The following ZNF618 variants were observed in gnomAD, a reference collection of about 807,000 sequenced individuals.
The protein encoded by ZNF618 is zinc finger protein 618, also known as neural precursor cell expressed, developmentally down-regulated 10.
Under a neutral mutation model 103.0 loss-of-function variants are expected in ZNF618, and 34 were observed. That is an observed-to-expected ratio of 0.33 (90% CI 0.25 to 0.44). ZNF618 has a LOEUF of 0.44. Ranked by LOEUF, ZNF618 falls within the 20% of genes least tolerant of loss-of-function variation. ZNF618 has a pLI of 1.00. For missense variants in ZNF618, 1,059 were observed against 1,295.4 expected (o/e 0.82, Z 2.80); for synonymous variants, 551 against 542.2 (o/e 1.02, Z -0.23).
chr9:113,965,816 G>T (rs1837347990), intron 1 of ZNF618, among the ~76,000 whole-genome samples: 1 of 152,182 alleles, frequency 6.6e-6, no homozygotes, highest in African/African-American at 2.4e-5. Context: ...CAGCTGCAGT[G>T]GGAGTTTCCA....
chr9:113,893,959 C>G (rs995449790), intron 1 of ZNF618, among the ~76,000 whole-genome samples: 5 of 152,064 alleles, frequency 3.3e-5, no homozygotes, highest in African/African-American at 1.2e-4. Context: ...AAAGGCTTTG[C>G]TGACTTATCA....
At chr9:113,937,883 T>C (rs1834166047) in intron 1 of ZNF618, among the ~76,000 whole-genome samples, 1 of 152,176 alleles carries the variant, frequency 6.6e-6, no homozygotes, top group African/African-American at 2.4e-5. Flanking sequence ...TGCCTTTTTT[T>C]TGTTGTTTTT....
chr9:114,032,876 G>A, intron 12 of ZNF618, 148 bp downstream of exon 12: 1 of 725,500 alleles, frequency 1.4e-6, no homozygotes, highest in South Asian at 1.6e-5. Flanking sequence ...GGGAATTAGA[G>A]GGAGACCACA....
intron 1 of ZNF618, among the ~76,000 whole-genome samples, chr9:113,966,613 T>C (rs962471723): frequency 1.3e-5 from 2 of 152,212 alleles, no homozygotes; most frequent in Admixed American, 1.3e-4. Flanking sequence ...CAGTGGACTT[T>C]GGCTCTGTCG....
At chr9:113,955,651 A>C (rs750408059) in intron 1 of ZNF618, among the ~76,000 whole-genome samples, 3 of 151,752 alleles carry the variant, frequency 2.0e-5, no homozygotes, top group Non-Finnish European at 4.4e-5. Context: ...GAGTTTGAGC[A>C]TGTGTTCCAG....
At chr9:113,893,241 T>A (rs899572799) in intron 1 of ZNF618, among the ~76,000 whole-genome samples, 1 of 152,196 alleles carries the variant, frequency 6.6e-6, no homozygotes, top group African/African-American at 2.4e-5. Context: ...CCAAAGCCTA[T>A]GGAGTCCTGT....
At chr9:114,008,637 G>T in intron 9 of ZNF618, 83 bp downstream of exon 9, 1 of 1,496,328 alleles carries the variant, frequency 6.7e-7, no homozygotes, top group Non-Finnish European at 9.2e-7. Context: ...CTAGGGCAGG[G>T]GTAGCAGTGG....
At chr9:113,890,394 T>G (rs1829511534) in intron 1 of ZNF618, among the ~76,000 whole-genome samples, 1 of 152,208 alleles carries the variant, frequency 6.6e-6, no homozygotes, top group Admixed American at 6.5e-5. Flanking sequence ...TGAGGCCTGA[T>G]GTCTTTTTCT....
chr9:113,926,867 G>A (rs1193376084), intron 1 of ZNF618, among the ~76,000 whole-genome samples: 1 of 152,150 alleles, frequency 6.6e-6, no homozygotes, highest in African/African-American at 2.4e-5. Flanking sequence ...ACAAAAATTA[G>A]CTGAGTATGG....
intron 1 of ZNF618, among the ~76,000 whole-genome samples, chr9:113,951,093 T>C (rs12115719): frequency 6.6e-6 from 1 of 151,084 alleles, no homozygotes; most frequent in Non-Finnish European, 1.5e-5. Context: ...GGGGGCTTGA[T>C]TGGAGGCTAG....
At chr9:113,946,398 CA>C (rs58064458) in intron 1 of ZNF618, among the ~76,000 whole-genome samples, 64,763 of 114,920 alleles carry the variant, frequency 0.56, 14,745 homozygotes, top group East Asian at 0.67. Flanking sequence ...GGGAAGTCTT[CA>C]AAAAAAAAAA....
intron 12 of ZNF618, among the ~76,000 whole-genome samples, chr9:114,036,014 T>C (rs564096073): frequency 6.6e-6 from 1 of 152,252 alleles, no homozygotes; most frequent in African/African-American, 2.4e-5. Context: ...CCTACCCCCA[T>C]CTCAAGTGCG....
chr9:113,930,917 G>A (rs902764324), intron 1 of ZNF618, among the ~76,000 whole-genome samples: 7 of 152,210 alleles, frequency 4.6e-5, no homozygotes, highest in African/African-American at 1.7e-4. Context: ...AGCAAAGGAA[G>A]TAAAGGCCAA....
intron 13 of ZNF618, among the ~76,000 whole-genome samples, chr9:114,047,317 T>C (rs908754676): frequency 1.3e-5 from 2 of 152,274 alleles, no homozygotes; most frequent in African/African-American, 4.8e-5. Context: ...TCTTTTCTTA[T>C]ATCCGAGCTT....
intron 1 of ZNF618, among the ~76,000 whole-genome samples, chr9:113,937,912 T>C (rs1008174569): frequency 1.3e-5 from 2 of 152,168 alleles, no homozygotes; most frequent in African/African-American, 2.4e-5. Flanking sequence ...GCCTTCCTAG[T>C]GTGATGGCAT....
At chr9:113,951,484 T>C (rs1396693951) in intron 1 of ZNF618, among the ~76,000 whole-genome samples, 2 of 73,836 alleles carry the variant, frequency 2.7e-5, no homozygotes, top group South Asian at 6.6e-4. Flanking sequence ...TGTGTACACA[T>C]ATATGTGTGT....
intron 9 of ZNF618, among the ~76,000 whole-genome samples, chr9:114,009,338 A>G (rs1842042304): frequency 6.6e-6 from 1 of 152,178 alleles, no homozygotes; most frequent in African/African-American, 2.4e-5. Context: ...GCTGGTCCCG[A>G]AAATCGATGA....
At chr9:113,987,860 G>A (rs1839636259) in intron 2 of ZNF618, among the ~76,000 whole-genome samples, 2 of 151,764 alleles carry the variant, frequency 1.3e-5, no homozygotes, top group African/African-American at 4.8e-5. Flanking sequence ...AGAATCTCAG[G>A]CCCTACCCCA....
chr9:113,974,284 C>T (rs975911724), intron 2 of ZNF618, among the ~76,000 whole-genome samples: 2 of 152,164 alleles, frequency 1.3e-5, no homozygotes, highest in African/African-American at 2.4e-5. Context: ...CCGAAGCAGG[C>T]AGTCATTTGG....
Sources: gnomAD v4.1 joint callset for allele counts (sites outside exome capture counted in the v4.1 genomes callset) on GRCh38, gnomAD v4.1.1 for gene constraint, MANE v1.5 for transcripts, NCBI Gene and HGNC (gene_info 2026-07-23, HGNC 2026-07-21) for gene names.